The following EHHADH variants were observed in gnomAD, a reference collection of about 807,000 sequenced individuals.
The protein encoded by EHHADH is peroxisomal bifunctional enzyme.
In EHHADH, 48 loss-of-function variants were observed where a neutral mutation model predicts 64.4. The observed-to-expected ratio is 0.75, with a 90% CI of 0.59 to 0.95. The LOEUF is 0.95. Ranked by LOEUF, EHHADH falls within the 40% of genes least tolerant of loss-of-function variation. The pLI, the probability that EHHADH is intolerant of heterozygous loss-of-function variation, is 0.00. For synonymous variants in EHHADH, 308 were observed against 326.7 expected, an observed-to-expected ratio of 0.94 and a Z score of 0.62; for missense variants, 854 against 876.6, an observed-to-expected ratio of 0.97 and a Z score of 0.33.
Position 185,240,863 on chromosome 3 carries a change from A to C in EHHADH, c.179-5401T>G, listed in dbSNP as rs369548090. On this transcript the variant is annotated intron_variant, in intron 2 of 6. Transcript: ENST00000231887. ...ACAGGTGGTGTTTGGTTACATAAGTAACTTCTTTAGTGGTGATCTGTGAGA... is the reference window on the plus strand; with the variant it reads ...ACAGGTGGTGTTTGGTTACATAAGTCACTTCTTTAGTGGTGATCTGTGAGA... 2.1e-4 allele frequency among the ~76,000 whole-genome samples: 32 copies of C among 152,042 alleles called. 1 individual carries two copies. In the South Asian group the frequency reaches 6.7e-3, roughly 32 times the overall value.
chr3:185,212,847 C>T (rs1309067995), intron 5 of EHHADH, among the ~76,000 whole-genome samples: 1 of 151,948 alleles, frequency 6.6e-6, no homozygotes, highest in Non-Finnish European at 1.5e-5. Context: ...CAGCTGGGTG[C>T]GGTAGCTCAC....
chr3:185,246,301 T>C, intron 2 of EHHADH: 1 of 785,274 alleles, frequency 1.3e-6, no homozygotes, highest in Non-Finnish European at 2.1e-6. Context: ...TTGTCCTCAG[T>C]TGGCTCTGGC....
chr3:185,205,147 AAT>A (rs900979118), intron 5 of EHHADH, among the ~76,000 whole-genome samples: 19 of 151,860 alleles, frequency 1.3e-4, no homozygotes, highest in Non-Finnish European at 2.2e-4. Context: ...GTTCTGAGTT[AAT>A]ATTTTATTTA....
At chr3:185,212,072 G>C (rs1222387671) in intron 5 of EHHADH, among the ~76,000 whole-genome samples, 1 of 152,212 alleles carries the variant, frequency 6.6e-6, no homozygotes, top group African/African-American at 2.4e-5. Flanking sequence ...AGAGCCTTTA[G>C]TCTCTTGGTC....
intron 2 of EHHADH, among the ~76,000 whole-genome samples, chr3:185,237,194 T>C (rs1201347475): frequency 6.6e-6 from 1 of 152,228 alleles, no homozygotes; most frequent in African/African-American, 2.4e-5. Context: ...AAAATCTAAT[T>C]AATATTGGGA....
At chr3:185,245,259 T>C (rs1719564835) in intron 2 of EHHADH, among the ~76,000 whole-genome samples, 1 of 152,254 alleles carries the variant, frequency 6.6e-6, no homozygotes, top group Admixed American at 6.5e-5. Flanking sequence ...CATGTTTCTC[T>C]GACAGTTGTT....
At chr3:185,224,990 G>A (rs1022245127) in intron 4 of EHHADH, among the ~76,000 whole-genome samples, 13 of 152,296 alleles carry the variant, frequency 8.5e-5, no homozygotes, top group African/African-American at 2.6e-4. Flanking sequence ...GAATTAGGAC[G>A]TGGACATCTT....
At chr3:185,241,155 G>A (rs1197262204) in intron 2 of EHHADH, among the ~76,000 whole-genome samples, 6 of 152,158 alleles carry the variant, frequency 3.9e-5, no homozygotes, top group Admixed American at 1.3e-4. Context: ...TTTTATGGCT[G>A]AGTAGTATTC....
At chr3:185,252,507 T>C (rs1175480131) in intron 1 of EHHADH, among the ~76,000 whole-genome samples, 1 of 151,988 alleles carries the variant, frequency 6.6e-6, no homozygotes, top group East Asian at 1.9e-4. Flanking sequence ...AAGGTCCTAA[T>C]ATCTAGCAAT....
At chr3:185,235,266 AC>A (rs1719257358) in intron 3 of EHHADH, 23 bp downstream of exon 3, 2 of 1,577,454 alleles carry the variant, frequency 1.3e-6, no homozygotes, top group African/African-American at 1.4e-5. Flanking sequence ...CACACCAGCC[AC>A]TATATAGAGC....
At position 185,192,979 on chromosome 3, in the gene EHHADH, T is replaced by C. The variant is rs762427591; in HGVS notation, c.1419A>G (p.Val473=). The C allele has an allele frequency of 1.9e-6, 3 of 1,611,814 alleles. No individual in the cohort carries two copies. The highest frequency in any genetic ancestry group is 2.5e-6 in the Non-Finnish European group (3 of 1,178,260). Residue 473 remains valine (V), a synonymous_variant, in exon 7 of 7, where the codon GTA becomes GTG. Transcript: ENST00000231887. ...TCCCCACAAATCCAAAACAGTTGCC[T>C]ACAACGACTCCAATCTTTTTAATCT... ...SKKIKKIGVV[V]GNCFGFVGNR... is the part of the protein sequence containing the mutation.
rs1717864277 is a variant in EHHADH, at chr3:185,191,420, C to T, written c.*806G>A. ...GTGTACAAGTTTTTGTATTGACCAGCCCCTTAATTTTTAACTACACAAGGC... is the reference window on the plus strand; with the variant it reads ...GTGTACAAGTTTTTGTATTGACCAGTCCCTTAATTTTTAACTACACAAGGC... On this transcript the variant is annotated 3_prime_UTR_variant, in exon 7 of 7. Transcript: ENST00000231887. 1 of 152,102 alleles carries T rather than the reference C, an allele frequency of 6.6e-6. No homozygotes were observed. Among genetic ancestry groups the T allele is most frequent in the African/African-American group, 2.4e-5 (1 of 41,406 alleles). 9.4% of individuals were successfully genotyped at this position (152,102 alleles called of 1,614,324 possible).
chr3:185,224,966 T>G (rs1476869104), intron 4 of EHHADH, among the ~76,000 whole-genome samples: 2 of 152,212 alleles, frequency 1.3e-5, no homozygotes, highest in African/African-American at 4.8e-5. Context: ...ACATAATATA[T>G]TCACAGGTTC....
intron 2 of EHHADH, chr3:185,245,746 A>C (rs1469424682): frequency 2.8e-6 from 2 of 704,452 alleles, no homozygotes; most frequent in Admixed American, 2.2e-5. Flanking sequence ...CAAAAATGCA[A>C]GTGTGCTGAC....
At chr3:185,253,589 T>A (rs113562107) in intron 1 of EHHADH, among the ~76,000 whole-genome samples, 146 of 146,994 alleles carry the variant, frequency 9.9e-4, no homozygotes, top group African/African-American at 1.1e-3. Context: ...AAAAGAAAAA[T>A]AAAAAGTCGG....
chr3:185,232,605 C>T (rs750440602), intron 3 of EHHADH, among the ~76,000 whole-genome samples: 6 of 152,104 alleles, frequency 3.9e-5, no homozygotes, highest in East Asian at 1.9e-4. Flanking sequence ...TGTGCTACCA[C>T]GCCCAGCTAA....
intron 3 of EHHADH, among the ~76,000 whole-genome samples, chr3:185,231,640 G>T (rs1029101890): frequency 1.5e-5 from 2 of 129,552 alleles, no homozygotes; most frequent in African/African-American, 5.4e-5. Flanking sequence ...GTATGATTCT[G>T]TTTATATGAA....
chr3:185,197,468 A>C (rs912394924), intron 6 of EHHADH, among the ~76,000 whole-genome samples: 1 of 152,022 alleles, frequency 6.6e-6, no homozygotes, highest in African/African-American at 2.4e-5. Flanking sequence ...CCTCTCCCCA[A>C]CCCTGGCCAA....
At chr3:185,211,923 C>T (rs575792966) in intron 5 of EHHADH, among the ~76,000 whole-genome samples, 1 of 152,284 alleles carries the variant, frequency 6.6e-6, no homozygotes, top group East Asian at 1.9e-4. Context: ...TTAAAAGTGG[C>T]TAACACAGCC....
Sources: allele counts gnomAD v4.1 joint callset (sites outside exome capture counted in the v4.1 genomes callset), GRCh38; gene constraint gnomAD v4.1.1; transcripts MANE v1.5; gene names NCBI Gene and HGNC (gene_info 2026-07-23, HGNC 2026-07-21).